DPY19L1: variants seen among roughly 807,000 people sequenced by gnomAD.
DPY19L1 encodes the protein protein C-mannosyl-transferase DPY19L1.
DPY19L1 carries 35 observed loss-of-function variants against 96.9 expected under a neutral mutation model. The observed-to-expected ratio is 0.36, with a 90% CI of 0.28 to 0.48. The LOEUF (loss-of-function observed/expected upper bound fraction) is 0.48. Ranked by LOEUF, DPY19L1 falls within the 20% of genes least tolerant of loss-of-function variation. DPY19L1 has a pLI of 0.99. For missense variants in DPY19L1, 521 were observed against 777.9 expected (o/e 0.67, Z 3.93); for synonymous variants, 205 against 252.6 (o/e 0.81, Z 1.79).
chr7:34,987,144 CAT>C (rs1336482185), intron 7 of DPY19L1, among the ~76,000 whole-genome samples: 3 of 152,072 alleles, frequency 2.0e-5, no homozygotes, highest in Non-Finnish European at 4.4e-5. Flanking sequence ...ACCATCAACA[CAT>C]GTTGTGTGCA....
At chr7:34,999,730 G>A (rs1032938975) in intron 6 of DPY19L1, among the ~76,000 whole-genome samples, 4 of 152,200 alleles carry the variant, frequency 2.6e-5, no homozygotes, top group African/African-American at 9.7e-5. Context: ...TTACAGTTCA[G>A]CTGTAGATCT....
chr7:34,939,420 GAGA>G (rs779454530), intron 19 of DPY19L1, 45 bp from the exon 20 acceptor site: 28 of 1,531,140 alleles, frequency 1.8e-5, no homozygotes, highest in African/African-American at 4.1e-5. Context: ...CAGTGAAGGC[GAGA>G]AGGTGTCTCC....
At chr7:35,003,218 G>A (rs1374772166) in intron 6 of DPY19L1, among the ~76,000 whole-genome samples, 2 of 152,280 alleles carry the variant, frequency 1.3e-5, no homozygotes, top group African/African-American at 4.8e-5. Context: ...AGAAGATGAG[G>A]TCTACCAAAG....
upstream of DPY19L1, chr7:35,037,718 G>A: frequency 4.4e-6 from 3 of 686,976 alleles, no homozygotes; most frequent in Non-Finnish European, 5.4e-6. Flanking sequence ...CGCCCCCGCC[G>A]CCCCTCTGCG....
At chr7:34,959,929 A>ATATAAATATATATATT (rs1784466646) in intron 10 of DPY19L1, among the ~76,000 whole-genome samples, 9 of 50,370 alleles carry the variant, frequency 1.8e-4, no homozygotes, top group Admixed American at 5.4e-4. Context: ...ATATATTTAT[A>ATATAAATATATATATT]TATATATATA....
intron 1 of DPY19L1, among the ~76,000 whole-genome samples, chr7:35,025,496 G>T (rs756656193): frequency 1.4e-4 from 21 of 152,074 alleles, no homozygotes; most frequent in Non-Finnish European, 2.8e-4. Flanking sequence ...AGATGGTTAA[G>T]AAGAGGTGGG....
chr7:34,946,872 T>C (rs759237949), intron 15 of DPY19L1, among the ~76,000 whole-genome samples: 6 of 152,240 alleles, frequency 3.9e-5, no homozygotes, highest in Non-Finnish European at 8.8e-5. Flanking sequence ...TAAATACTCA[T>C]GTGAAAATGT....
intron 4 of DPY19L1, among the ~76,000 whole-genome samples, chr7:35,011,677 A>G (rs1207193372): frequency 1.3e-5 from 2 of 152,198 alleles, no homozygotes; most frequent in African/African-American, 4.8e-5. Flanking sequence ...GGCCAAAAAA[A>G]AGTGCTAAAT....
At chr7:35,037,801 C>T (rs2128686154), upstream of DPY19L1, 15 of 1,217,800 alleles carry the variant, frequency 1.2e-5, no homozygotes, top group South Asian at 4.1e-5. Flanking sequence ...ACCCCTCTGG[C>T]GCCCGGCTAC....
intron 3 of DPY19L1, among the ~76,000 whole-genome samples, chr7:35,014,702 T>C (rs1365031381): frequency 6.6e-6 from 1 of 152,248 alleles, no homozygotes; most frequent in African/African-American, 2.4e-5. Flanking sequence ...ATTTGGATAG[T>C]GTCCCCTAAA....
intron 7 of DPY19L1, among the ~76,000 whole-genome samples, chr7:34,983,657 C>A: frequency 7.3e-6 from 1 of 136,602 alleles, no homozygotes; most frequent in African/African-American, 2.7e-5. Context: ...AGAAAATACC[C>A]AAAGGGAGGA....
intron 6 of DPY19L1, among the ~76,000 whole-genome samples, chr7:35,007,828 G>A (rs1332667908): frequency 6.6e-6 from 1 of 151,976 alleles, no homozygotes; most frequent in East Asian, 1.9e-4. Flanking sequence ...GGGGACTGGG[G>A]AAAGTCAAGT....
chr7:35,037,908 T>TG, upstream of DPY19L1: 1 of 1,238,416 alleles, frequency 8.1e-7, no homozygotes, highest in Middle Eastern at 3.0e-4. Flanking sequence ...GTGGGAGTGA[T>TG]GGGGCCGAAG....
intron 19 of DPY19L1, among the ~76,000 whole-genome samples, chr7:34,939,586 C>T (rs1044651710): frequency 2.0e-5 from 3 of 152,206 alleles, no homozygotes; most frequent in African/African-American, 7.2e-5. Context: ...CCTTGGAAAA[C>T]AGAGCTTCAT....
chr7:34,997,609 CAA>C (rs3048611), intron 6 of DPY19L1, among the ~76,000 whole-genome samples: 22 of 75,650 alleles, frequency 2.9e-4, no homozygotes, highest in African/African-American at 1.0e-3. Context: ...GACTCCGTCT[CAA>C]AAAAAAAAAA....
intron 14 of DPY19L1, among the ~76,000 whole-genome samples, chr7:34,948,563 G>A (rs1199078889): frequency 6.6e-6 from 1 of 152,172 alleles, no homozygotes; most frequent in Non-Finnish European, 1.5e-5. Flanking sequence ...CTTCAAATTA[G>A]CTGAAGTCAT....
intron 1 of DPY19L1, among the ~76,000 whole-genome samples, chr7:35,028,280 C>G (rs1485906455): frequency 6.6e-6 from 1 of 152,036 alleles, no homozygotes; most frequent in Non-Finnish European, 1.5e-5. Context: ...GAGGAAATGC[C>G]TTAGAAATCA....
chr7:34,981,885 G>A (rs1784947641), intron 7 of DPY19L1, among the ~76,000 whole-genome samples: 1 of 152,162 alleles, frequency 6.6e-6, no homozygotes, highest in Non-Finnish European at 1.5e-5. Flanking sequence ...GGGAGGCAGA[G>A]GCTACAGTGA....
chr7:35,016,161 G>T (rs1321775589), intron 3 of DPY19L1, among the ~76,000 whole-genome samples: 1 of 152,160 alleles, frequency 6.6e-6, no homozygotes, highest in East Asian at 1.9e-4. Flanking sequence ...GACAGAAATG[G>T]TGGCTCATGG....
Sources: allele counts gnomAD v4.1 joint callset (sites outside exome capture counted in the v4.1 genomes callset), GRCh38; gene constraint gnomAD v4.1.1; transcripts MANE v1.5; gene names NCBI Gene and HGNC (gene_info 2026-07-23, HGNC 2026-07-21).